Variants in CIB4 observed in about 807,000 individuals in gnomAD.
The protein encoded by CIB4 is calcium and integrin-binding family member 4.
In CIB4, 25 loss-of-function variants were observed where a neutral mutation model predicts 25.8. The observed-to-expected ratio is 0.97, with a 90% CI of 0.71 to 1.35. The LOEUF (loss-of-function observed/expected upper bound fraction) is 1.35. CIB4 is among the 40% of genes most tolerant of loss of function. The pLI, the probability that CIB4 is intolerant of heterozygous loss-of-function variation, is 0.00. For synonymous variants in CIB4, 75 were observed against 81.4 expected, an observed-to-expected ratio of 0.92 and a Z score of 0.42; for missense variants, 235 against 228.2, an observed-to-expected ratio of 1.03 and a Z score of -0.19.
In CIB4 at chr2:26,630,729, C is replaced by A. The variant is rs531532748; in HGVS notation, c.90-1223G>T. The stretch of plus-strand genomic sequence containing the variant: ...TGCAGTGGGGTAGTAAATCTCCCCC[C>A]ACACACTCGTGAGGATTAAATGAGG... On this transcript the variant is annotated intron_variant, in intron 2 of 6. Transcript: ENST00000288861. Among the ~76,000 whole-genome samples, 5 of 152,248 alleles carry A rather than the reference C, an allele frequency of 3.3e-5. No homozygotes were observed. The East Asian group carries it at 7.7e-4, about 24-fold the overall frequency.
At chr2:26,595,632 C>T (rs577744260) in intron 3 of CIB4, among the ~76,000 whole-genome samples, 11 of 152,352 alleles carry the variant, frequency 7.2e-5, no homozygotes, top group African/African-American at 2.2e-4. Flanking sequence ...ACTCTAAATA[C>T]GAGTCCTTCT....
chr2:26,636,539 C>T (rs1400209077), intron 2 of CIB4, among the ~76,000 whole-genome samples: 3 of 152,188 alleles, frequency 2.0e-5, no homozygotes, highest in African/African-American at 4.8e-5. Flanking sequence ...TGTCATCCTT[C>T]AGCTTCCCTT....
intron 3 of CIB4, among the ~76,000 whole-genome samples, chr2:26,622,494 C>A (rs1031646277): frequency 2.6e-5 from 4 of 151,988 alleles, no homozygotes; most frequent in African/African-American, 9.7e-5. Context: ...AGGGGAAGAG[C>A]TTTAGCTCTT....
chr2:26,632,702 G>T (rs1156262608), intron 2 of CIB4, among the ~76,000 whole-genome samples: 1 of 151,128 alleles, frequency 6.6e-6, no homozygotes, highest in African/African-American at 2.4e-5. Flanking sequence ...AGCTTCCAGT[G>T]AGCTGAGATT....
rs201734017 is a variant in CIB4 at position 26,595,184 on chromosome 2, C to G, written c.320G>C (p.Arg107Pro). ...TCCCCCACAGCACCTACCATAGATG[C>G]GAAAGGCATACTCAATCTTCAGGCT... Reference protein sequence around the residue: ...CPSLKIEYAFRIYDFNENGFI... With the variant: ...CPSLKIEYAFPIYDFNENGFI... Residue 107 changes from arginine (R) to proline (P), a missense_variant, in exon 4 of 7, where the codon CGC becomes CCC. By Grantham distance (103) the Arg-to-Pro change is moderately radical. Coordinates refer to ENST00000288861, the MANE Select transcript of CIB4 (RefSeq NM_001029881.3). 1.9e-6 allele frequency: 3 copies of G among 1,609,238 alleles called. No individual in the cohort carries two copies. The highest frequency in any genetic ancestry group is 4.5e-5 in the East Asian group (2 of 44,696).
At chr2:26,608,807 C>T (rs958606140) in intron 3 of CIB4, among the ~76,000 whole-genome samples, 1 of 152,190 alleles carries the variant, frequency 6.6e-6, no homozygotes, top group Non-Finnish European at 1.5e-5. Flanking sequence ...ACCCCTGTCT[C>T]GTGGGTGGCC....
At chr2:26,594,012 C>T (rs985524872) in intron 4 of CIB4, among the ~76,000 whole-genome samples, 2 of 152,162 alleles carry the variant, frequency 1.3e-5, no homozygotes, top group Non-Finnish European at 2.9e-5. Flanking sequence ...ATCAGCCTGC[C>T]TGAGTCCAGT....
intron 2 of CIB4, among the ~76,000 whole-genome samples, chr2:26,639,344 C>T (rs1182287529): frequency 1.3e-5 from 2 of 151,956 alleles, no homozygotes; most frequent in African/African-American, 4.8e-5. Flanking sequence ...TATCCCTCCC[C>T]TAGACCCCCA....
intron 3 of CIB4, among the ~76,000 whole-genome samples, chr2:26,628,789 C>G (rs911232361): frequency 2.0e-5 from 3 of 152,278 alleles, no homozygotes; most frequent in Non-Finnish European, 4.4e-5. Flanking sequence ...TAGAAAAGCC[C>G]CAGTCCATTG....
At chr2:26,638,459 C>G (rs1431729325) in intron 2 of CIB4, among the ~76,000 whole-genome samples, 1 of 152,138 alleles carries the variant, frequency 6.6e-6, no homozygotes, top group Non-Finnish European at 1.5e-5. Flanking sequence ...GAGCCTGAAC[C>G]CTTCCCATAC....
chr2:26,635,130 C>G, intron 2 of CIB4, among the ~76,000 whole-genome samples: 1 of 152,220 alleles, frequency 6.6e-6, no homozygotes, highest in Admixed American at 6.5e-5. Context: ...CAATGCTGCC[C>G]CGATGCTAGG....
intron 2 of CIB4, among the ~76,000 whole-genome samples, chr2:26,635,010 GGGTCTGCAGGGTCTGCAC>G (rs1669504758): frequency 6.6e-6 from 1 of 152,234 alleles, no homozygotes. Flanking sequence ...GGCCCTCTTT[GGGTCTGCAGGGTCTGCAC>G]GGTCTGCAGT....
chr2:26,636,636 G>C (rs1365964500), intron 2 of CIB4, among the ~76,000 whole-genome samples: 1 of 152,022 alleles, frequency 6.6e-6, no homozygotes, highest in Non-Finnish European at 1.5e-5. Context: ...TGGTTTACTC[G>C]CTAGTTTTAA....
chr2:26,584,672 G>C (rs976308871), intron 4 of CIB4, among the ~76,000 whole-genome samples: 2 of 152,248 alleles, frequency 1.3e-5, no homozygotes, highest in Non-Finnish European at 2.9e-5. Flanking sequence ...ACAGCTGTCA[G>C]ATAAAGGGTA....
chr2:26,591,804 G>T (rs1668591616), intron 4 of CIB4, among the ~76,000 whole-genome samples: 1 of 152,240 alleles, frequency 6.6e-6, no homozygotes, highest in Non-Finnish European at 1.5e-5. Flanking sequence ...AGGTTGAGAG[G>T]CCCATGTGTC....
chr2:26,589,868 G>A (rs79871396), intron 4 of CIB4, among the ~76,000 whole-genome samples: 5 of 152,208 alleles, frequency 3.3e-5, no homozygotes, highest in Admixed American at 3.3e-4. Flanking sequence ...ACGTACTTTT[G>A]TCCTGATCCC....
In CIB4 at chr2:26,627,181, C is replaced by T. The variant is rs1264890369; in HGVS notation, c.186+2229G>A. On this transcript the variant is annotated intron_variant, in intron 3 of 6. Coordinates refer to ENST00000288861, the MANE Select transcript of CIB4 (RefSeq NM_001029881.3). The surrounding 1 kb of genome is among the most constrained non-coding windows in gnomAD (Gnocchi z 4.0). ...TCGGCTCCCCTTGGGCCCTCTGTGG[C>T]ACCTGGAAGACCCAGGCACATGGTC... Among the ~76,000 whole-genome samples the T allele has an allele frequency of 6.6e-6, 1 of 152,134 alleles. No individual in the cohort carries two copies. Among genetic ancestry groups the T allele is most frequent in the Non-Finnish European group, 1.5e-5 (1 of 68,026 alleles).
At chr2:26,603,323 G>A (rs757750635) in intron 3 of CIB4, among the ~76,000 whole-genome samples, 2 of 152,162 alleles carry the variant, frequency 1.3e-5, no homozygotes, top group Non-Finnish European at 2.9e-5. Context: ...ACTAGTGCAA[G>A]CCGAGCAAAG....
intron 3 of CIB4, among the ~76,000 whole-genome samples, chr2:26,621,651 C>G (rs548500709): frequency 6.6e-6 from 1 of 152,220 alleles, no homozygotes; most frequent in East Asian, 1.9e-4. Flanking sequence ...AGAAAGCTAC[C>G]AGAGGATGTG....
Sources: allele counts gnomAD v4.1 joint callset (sites outside exome capture counted in the v4.1 genomes callset), GRCh38; gene constraint gnomAD v4.1.1; non-coding constraint Gnocchi (gnomAD v3.1); transcripts MANE v1.5; gene names NCBI Gene and HGNC (gene_info 2026-07-23, HGNC 2026-07-21).